TRAF3IP1: variants seen among roughly 807,000 people sequenced by gnomAD.
TRAF3IP1 encodes the protein intraflagellar transport 54.
Under a neutral mutation model 89.9 loss-of-function variants are expected in TRAF3IP1, and 53 were observed. The ratio of observed to expected loss-of-function variants is 0.59; its 90% CI spans 0.47 to 0.74. TRAF3IP1 has a LOEUF of 0.74. TRAF3IP1 is among the 30% of genes least tolerant of loss of function. TRAF3IP1 has a pLI of 0.00. For synonymous variants in TRAF3IP1, 311 were observed against 322.1 expected, an observed-to-expected ratio of 0.97 and a Z score of 0.37; for missense variants, 806 against 866.1, an observed-to-expected ratio of 0.93 and a Z score of 0.87.
chr2:238,377,993 G>GTAGTTTAGTT (rs995190248), intron 15 of TRAF3IP1, among the ~76,000 whole-genome samples: 1 of 152,096 alleles, frequency 6.6e-6, no homozygotes, highest in South Asian at 2.1e-4. Flanking sequence ...TGCTCTGGAT[G>GTAGTTTAGTT]TAGTTTAGTT....
At chr2:238,341,174 C>T (rs1698634173) in intron 8 of TRAF3IP1, among the ~76,000 whole-genome samples, 1 of 139,980 alleles carries the variant, frequency 7.1e-6, no homozygotes, top group African/African-American at 3.0e-5. Flanking sequence ...GCATGTGTCA[C>T]CATGCCTAGC....
intron 6 of TRAF3IP1, among the ~76,000 whole-genome samples, chr2:238,333,188 A>G (rs1432392657): frequency 6.6e-6 from 1 of 152,088 alleles, no homozygotes; most frequent in Non-Finnish European, 1.5e-5. Context: ...TTTGGGGAGA[A>G]GGGGGAGGTG....
chr2:238,336,929 T>G (rs1285402562), intron 7 of TRAF3IP1, among the ~76,000 whole-genome samples: 1 of 151,976 alleles, frequency 6.6e-6, no homozygotes, highest in Admixed American at 6.6e-5. Context: ...GTCCTGTGCT[T>G]CTGCTTGGTC....
intron 15 of TRAF3IP1, among the ~76,000 whole-genome samples, chr2:238,369,423 T>A (rs1307005887): frequency 6.6e-6 from 1 of 152,180 alleles, no homozygotes; most frequent in Admixed American, 6.5e-5. Context: ...TGCAGAAGCA[T>A]CCAGTCCAGA....
Position 238,352,172 on chromosome 2 carries a change from G to C in TRAF3IP1, c.1452-655G>C, listed in dbSNP as rs528471683. On this transcript the variant is annotated intron_variant, in intron 12 of 16. Transcript: ENST00000373327. The stretch of plus-strand genomic sequence containing the variant: ...CCTGGAGAGCATGAGAGAGCCCTTG[G>C]GTGAAGGCTGTCACCAAGGAGGACA... Among the ~76,000 whole-genome samples, 40 of 152,198 alleles carry C rather than the reference G, an allele frequency of 2.6e-4. 1 individual carries two copies. The highest frequency in any genetic ancestry group is 2.5e-3 in the Admixed American group (39 of 15,296).
In TRAF3IP1 at chr2:238,388,201, CA is replaced by C. The variant is rs1700852266; in HGVS notation, c.1690-9257del. 2.6e-5 allele frequency among the ~76,000 whole-genome samples: 4 copies of C among 151,906 alleles called. No homozygotes were observed. In the South Asian group the frequency reaches 8.3e-4, roughly 32 times the overall value. On this transcript the variant is annotated intron_variant, in intron 15 of 16. Coordinates refer to ENST00000373327, the MANE Select transcript of TRAF3IP1 (RefSeq NM_015650.4). ...ACTAGCCTGGTCAACATGGTGAAAC[CA>C]CGTCTCTACAAAAAATACAAAAATT...
chr2:238,355,438 T>C (rs1699364739), intron 14 of TRAF3IP1, among the ~76,000 whole-genome samples: 1 of 152,296 alleles, frequency 6.6e-6, no homozygotes, highest in Non-Finnish European at 1.5e-5. Flanking sequence ...GATGCAGGCT[T>C]TCATTTTGCA....
chr2:238,335,952 A>G (rs1698372808), intron 7 of TRAF3IP1, among the ~76,000 whole-genome samples: 1 of 151,760 alleles, frequency 6.6e-6, no homozygotes, highest in Admixed American at 6.6e-5. Flanking sequence ...CACCACGCCC[A>G]GCTAATTTTT....
At chr2:238,344,353 T>A (rs1357121548) in intron 8 of TRAF3IP1, 144 bp from the exon 9 acceptor site, 6 of 662,942 alleles carry the variant, frequency 9.1e-6, no homozygotes, top group African/African-American at 5.5e-5. Flanking sequence ...TTCTAAAAGC[T>A]GCCTTTGGTC....
intron 15 of TRAF3IP1, among the ~76,000 whole-genome samples, chr2:238,383,885 G>T (rs780190103): frequency 1.1e-4 from 17 of 152,184 alleles, no homozygotes; most frequent in Non-Finnish European, 2.4e-4. Flanking sequence ...TTTACACTTA[G>T]TGCAGTTGTT....
intron 15 of TRAF3IP1, among the ~76,000 whole-genome samples, chr2:238,369,575 A>G (rs920979264): frequency 6.6e-6 from 1 of 151,748 alleles, no homozygotes; most frequent in Non-Finnish European, 1.5e-5. Context: ...CCTTGTGATT[A>G]GAGTCAGACT....
intron 9 of TRAF3IP1, 166 bp downstream of exon 9, chr2:238,344,764 G>C: frequency 1.4e-6 from 1 of 707,224 alleles, no homozygotes; most frequent in South Asian, 1.5e-5. Flanking sequence ...AACTAGAATC[G>C]AACATGGTGG....
intron 3 of TRAF3IP1, among the ~76,000 whole-genome samples, chr2:238,327,160 C>T (rs1697879397): frequency 1.3e-5 from 2 of 152,222 alleles, no homozygotes; most frequent in African/African-American, 4.8e-5. Flanking sequence ...CTGCATTCGG[C>T]CCTGGCCGGC....
intron 14 of TRAF3IP1, among the ~76,000 whole-genome samples, 175 bp from the exon 15 acceptor site, chr2:238,355,829 C>G (rs1699379955): frequency 6.6e-6 from 1 of 152,196 alleles, no homozygotes; most frequent in Non-Finnish European, 1.5e-5. Flanking sequence ...CCACTACCAG[C>G]TGTCTATCAC....
intron 15 of TRAF3IP1, among the ~76,000 whole-genome samples, chr2:238,387,386 A>G (rs1287072341): frequency 6.6e-6 from 1 of 152,232 alleles, no homozygotes; most frequent in African/African-American, 2.4e-5. Context: ...TTCAGTAGTT[A>G]TTATCTTCAG....
intron 15 of TRAF3IP1, among the ~76,000 whole-genome samples, chr2:238,386,377 A>G (rs1443377829): frequency 6.6e-6 from 1 of 152,090 alleles, no homozygotes; most frequent in Non-Finnish European, 1.5e-5. Flanking sequence ...CAGTGGTGTG[A>G]TTTTGGCTCA....
chr2:238,322,842 G>A (rs553124748), intron 1 of TRAF3IP1, among the ~76,000 whole-genome samples: 1 of 152,050 alleles, frequency 6.6e-6, no homozygotes, highest in East Asian at 1.9e-4. Flanking sequence ...CTCTCCCTGT[G>A]TAAAGATAAA....
intron 15 of TRAF3IP1, among the ~76,000 whole-genome samples, chr2:238,383,534 C>T (rs1700635635): frequency 6.6e-6 from 1 of 152,204 alleles, no homozygotes; most frequent in Non-Finnish European, 1.5e-5. Flanking sequence ...TGCTGGTGTG[C>T]TTACAGGCTT....
intron 15 of TRAF3IP1, among the ~76,000 whole-genome samples, chr2:238,392,574 CTT>C (rs71043135): frequency 0.47 from 70,419 of 149,256 alleles, 17,411 homozygotes; most frequent in African/African-American, 0.64. Flanking sequence ...CAGTCTGTTC[CTT>C]TTTTTTTTTT....
Sources: allele counts gnomAD v4.1 joint callset (sites outside exome capture counted in the v4.1 genomes callset), GRCh38; gene constraint gnomAD v4.1.1; transcripts MANE v1.5; gene names NCBI Gene and HGNC (gene_info 2026-07-23, HGNC 2026-07-21).